The following ZMIZ1 variants were observed in gnomAD, a reference collection of about 807,000 sequenced individuals.
ZMIZ1 encodes the protein zinc finger MIZ domain-containing protein 1.
A neutral mutation model predicts 113.9 loss-of-function variants in ZMIZ1; 17 were observed. That is an observed-to-expected ratio of 0.15 (90% CI 0.10 to 0.22). The LOEUF (loss-of-function observed/expected upper bound fraction) is 0.22, where lower values mean the gene tolerates loss of function less well. Among genes scored for constraint, ZMIZ1 ranks in the 10% least tolerant of loss-of-function variants. ZMIZ1 has a pLI of 1.00. For synonymous variants in ZMIZ1, 607 were observed against 603.1 expected (o/e 1.01, Z -0.09); for missense variants, 1,059 against 1,477.8 (o/e 0.72, Z 4.65).
intron 3 of ZMIZ1, among the ~76,000 whole-genome samples, chr10:79,157,391 G>A (rs1481600335): frequency 1.3e-5 from 2 of 151,918 alleles, no homozygotes; most frequent in African/African-American, 4.8e-5. Context: ...GTGTGTGTGT[G>A]TGTGTGTGTG....
chr10:79,195,198 G>C (rs902910783), intron 4 of ZMIZ1, among the ~76,000 whole-genome samples: 1 of 152,222 alleles, frequency 6.6e-6, no homozygotes. Flanking sequence ...ATCCTAAGAG[G>C]CTGGTATTTG....
intron 7 of ZMIZ1, among the ~76,000 whole-genome samples, chr10:79,217,282 G>A (rs984119595): frequency 8.5e-5 from 13 of 152,138 alleles, no homozygotes; most frequent in East Asian, 1.9e-4. Flanking sequence ...AAAATTAGCC[G>A]GGTGTGGTGG....
intron 7 of ZMIZ1, among the ~76,000 whole-genome samples, chr10:79,252,248 A>G (rs947114629): frequency 6.6e-6 from 1 of 152,042 alleles, no homozygotes; most frequent in Non-Finnish European, 1.5e-5. Context: ...TCCCAGCATC[A>G]GGCCTACCAG....
intron 3 of ZMIZ1, among the ~76,000 whole-genome samples, chr10:79,150,387 G>A (rs1845664967): frequency 6.6e-6 from 1 of 152,238 alleles, no homozygotes; most frequent in Admixed American, 6.5e-5. Context: ...CCCCTCCCTG[G>A]GCCTCCCCGT....
chr10:79,080,894 G>C (rs1325741526), intron 1 of ZMIZ1, among the ~76,000 whole-genome samples: 1 of 152,114 alleles, frequency 6.6e-6, no homozygotes, highest in Non-Finnish European at 1.5e-5. Flanking sequence ...GGGCAGCTCT[G>C]CTCCACCCGA....
intron 7 of ZMIZ1, among the ~76,000 whole-genome samples, chr10:79,246,895 C>T (rs1019008178): frequency 1.3e-5 from 2 of 152,244 alleles, no homozygotes; most frequent in Non-Finnish European, 2.9e-5. Flanking sequence ...GGTCACATGG[C>T]AGGAGAGGCC....
chr10:79,170,613 G>A (rs1390983599), intron 4 of ZMIZ1, among the ~76,000 whole-genome samples: 3 of 152,242 alleles, frequency 2.0e-5, no homozygotes, highest in African/African-American at 7.2e-5. Context: ...TGGGAGGTAG[G>A]GCGGAGGCCA....
chr10:79,110,561 AC>A (rs372646188), intron 1 of ZMIZ1, among the ~76,000 whole-genome samples: 1 of 152,330 alleles, frequency 6.6e-6, no homozygotes, highest in African/African-American at 2.4e-5. Context: ...GGTAGTTGGT[AC>A]TGATGTTGGC....
intron 7 of ZMIZ1, among the ~76,000 whole-genome samples, chr10:79,268,054 G>A (rs1851709802): frequency 6.6e-6 from 1 of 152,228 alleles, no homozygotes; most frequent in South Asian, 2.1e-4. Context: ...GCTGAAAGAG[G>A]AGGATCAGAG....
At position 79,280,216 on chromosome 10, in the gene ZMIZ1, G is replaced by T. The variant is rs377476036; in HGVS notation, c.425+2891G>T. Among the ~76,000 whole-genome samples the T allele has an allele frequency of 8.6e-5, 13 of 151,128 alleles. No individual in the cohort carries two copies. In the East Asian group the frequency reaches 1.6e-3, roughly 18 times the overall value. ...CTGGTCTCGAACTCCTAAGCTCAAG[G>T]AATCTGCCTGCCTCAGCCTCCCAAA... is the stretch of plus-strand genomic sequence containing the variant. On this transcript the variant is annotated intron_variant, in intron 8 of 24. Coordinates refer to ENST00000334512, the MANE Select transcript of ZMIZ1 (RefSeq NM_020338.4).
At chr10:79,205,561 C>T (rs1471859816) in intron 5 of ZMIZ1, among the ~76,000 whole-genome samples, 1 of 152,222 alleles carries the variant, frequency 6.6e-6, no homozygotes, top group African/African-American at 2.4e-5. Flanking sequence ...TGGGCTCCTG[C>T]TCTGTAATGA....
At chr10:79,248,486 G>C (rs538428283) in intron 7 of ZMIZ1, among the ~76,000 whole-genome samples, 1 of 152,282 alleles carries the variant, frequency 6.6e-6, no homozygotes, top group East Asian at 1.9e-4. Flanking sequence ...GACTCCTCCT[G>C]CTTCTAGGAG....
intron 6 of ZMIZ1, among the ~76,000 whole-genome samples, chr10:79,211,499 G>A (rs1347329527): frequency 1.3e-5 from 2 of 152,172 alleles, no homozygotes; most frequent in Non-Finnish European, 1.5e-5. Flanking sequence ...TGCAATCCCC[G>A]GGGTGACCTC....
At position 79,284,721 on chromosome 10, in the gene ZMIZ1, A is replaced by G. The variant is rs139783121; in HGVS notation, c.426-5054A>G. Among the ~76,000 whole-genome samples, 22 of 152,322 alleles carry G rather than the reference A, an allele frequency of 1.4e-4. No individual in the cohort carries two copies. The East Asian group carries it at 3.9e-3, about 27-fold the overall frequency. On this transcript the variant is annotated intron_variant, in intron 8 of 24. Transcript: ENST00000334512. Reference sequence around the variant, plus strand: ...AAGTAACATGTCCAAGGCCACAGAAAGCTTCAGTGGCAGAGCCAGGGTTTG... The same window carrying G: ...AAGTAACATGTCCAAGGCCACAGAAGGCTTCAGTGGCAGAGCCAGGGTTTG...
chr10:79,155,101 C>G (rs1274040558), intron 3 of ZMIZ1, among the ~76,000 whole-genome samples: 1 of 152,216 alleles, frequency 6.6e-6, no homozygotes, highest in East Asian at 1.9e-4. Context: ...GAGCTGAGGC[C>G]TCTCTGATGC....
chr10:79,077,354 G>A (rs746241348), intron 1 of ZMIZ1, among the ~76,000 whole-genome samples: 14 of 152,152 alleles, frequency 9.2e-5, no homozygotes, highest in Non-Finnish European at 1.9e-4. Flanking sequence ...GTGCAAGTGG[G>A]ACGCGACCTT....
intron 2 of ZMIZ1, among the ~76,000 whole-genome samples, chr10:79,129,985 C>A (rs1844685742): frequency 1.3e-5 from 2 of 152,232 alleles, no homozygotes; most frequent in Non-Finnish European, 1.5e-5. Context: ...CATATTGATG[C>A]AGGCAGCTGC....
intron 4 of ZMIZ1, among the ~76,000 whole-genome samples, chr10:79,172,896 T>A (rs1248173509): frequency 6.6e-6 from 1 of 152,174 alleles, no homozygotes; most frequent in African/African-American, 2.4e-5. Flanking sequence ...GTAACGGAAG[T>A]AAATTTTCTG....
At chr10:79,083,630 C>T (rs1012902279) in intron 1 of ZMIZ1, among the ~76,000 whole-genome samples, 1 of 152,148 alleles carries the variant, frequency 6.6e-6, no homozygotes, top group Non-Finnish European at 1.5e-5. Flanking sequence ...ACAAGGGTGG[C>T]CACAAGGAGA....
Sources: gnomAD v4.1 joint callset for allele counts (sites outside exome capture counted in the v4.1 genomes callset) on GRCh38, gnomAD v4.1.1 for gene constraint, MANE v1.5 for transcripts, NCBI Gene and HGNC (gene_info 2026-07-23, HGNC 2026-07-21) for gene names.